SLC44A2: variants seen among roughly 807,000 people sequenced by gnomAD.
SLC44A2 encodes choline transporter-like protein 2.
SLC44A2 carries 57 observed loss-of-function variants against 90.8 expected under a neutral mutation model. That is an observed-to-expected ratio of 0.63 (90% confidence interval 0.51 to 0.78). SLC44A2 has a LOEUF of 0.78. Ranked by LOEUF, SLC44A2 falls within the 30% of genes least tolerant of loss-of-function variation. The probability of loss-of-function intolerance (pLI) is 0.00; values close to 1 mark genes in which losing one functional copy is unlikely to be tolerated. For missense variants in SLC44A2, 794 were observed against 919.7 expected (o/e 0.86, Z 1.77); for synonymous variants, 355 against 360.7 (o/e 0.98, Z 0.18).
intron 1 of SLC44A2, among the ~76,000 whole-genome samples, chr19:10,619,941 C>T (rs1253677903): frequency 1.3e-5 from 2 of 151,690 alleles, no homozygotes; most frequent in East Asian, 1.9e-4. Flanking sequence ...GGTGACAGAG[C>T]GAGACTCCGT....
At chr19:10,631,557 G>A in intron 7 of SLC44A2, 22 bp downstream of exon 7, 5 of 1,614,062 alleles carry the variant, frequency 3.1e-6, no homozygotes, top group Non-Finnish European at 4.2e-6. Context: ...GATCCCAGGA[G>A]GCTCAGGTGG....
intron 4 of SLC44A2, among the ~76,000 whole-genome samples, chr19:10,630,195 G>C (rs4548995): frequency 0.8 from 121,302 of 151,984 alleles, 48,512 homozygotes; most frequent in African/African-American, 0.83. Flanking sequence ...ACCAATAATA[G>C]AAAAAATTAG....
intron 5 of SLC44A2, 57 bp downstream of exon 5, chr19:10,631,198 C>CA: frequency 6.2e-7 from 1 of 1,604,996 alleles, no homozygotes; most frequent in Non-Finnish European, 8.5e-7. Context: ...CCTTTTCCCC[C>CA]TGTGAATGTG....
At chr19:10,610,949 C>G (rs1426324771) in intron 1 of SLC44A2, among the ~76,000 whole-genome samples, 2 of 151,562 alleles carry the variant, frequency 1.3e-5, no homozygotes, top group African/African-American at 4.8e-5. Flanking sequence ...CAAGACTTTT[C>G]TTTTGCCATT....
exon 1 of SLC44A2, chr19:10,602,527 G>T: frequency 7.8e-7 from 1 of 1,276,200 alleles, no homozygotes; most frequent in Admixed American, 4.0e-5. Flanking sequence ...GCCCCGCCGC[G>T]GCCATGGAGG....
chr19:10,622,910 A>G (rs1474895963), upstream of SLC44A2, among the ~76,000 whole-genome samples: 2 of 152,158 alleles, frequency 1.3e-5, no homozygotes, highest in Non-Finnish European at 2.9e-5. Flanking sequence ...TCAAAAACAA[A>G]AAAGCTTAGA....
chr19:10,621,440 T>G (rs1321896759), upstream of SLC44A2, among the ~76,000 whole-genome samples: 2 of 143,980 alleles, frequency 1.4e-5, no homozygotes, highest in East Asian at 2.1e-4. Context: ...TTTTTTTTTT[T>G]TGGTTTTTGT....
At chr19:10,612,333 CT>C (rs1200242600) in intron 1 of SLC44A2, among the ~76,000 whole-genome samples, 1 of 152,002 alleles carries the variant, frequency 6.6e-6, no homozygotes, top group Non-Finnish European at 1.5e-5. Flanking sequence ...GATTGCGCCC[CT>C]GCACTTCATC....
intron 1 of SLC44A2, among the ~76,000 whole-genome samples, chr19:10,610,631 CTTTTTTTTTTTTTTT>C (rs56002726): frequency 2.1e-5 from 1 of 47,998 alleles, no homozygotes; most frequent in Non-Finnish European, 3.7e-5. Context: ...CCGCGCCTGG[CTTTTTTTTTTTTTTT>C]TTTTTTTTTT....
intron 20 of SLC44A2, among the ~76,000 whole-genome samples, chr19:10,639,690 C>G (rs1480284371): frequency 6.6e-6 from 1 of 152,022 alleles, no homozygotes; most frequent in East Asian, 1.9e-4. Flanking sequence ...ACTAGCCTTG[C>G]CAGCATGGCG....
chr19:10,642,465 C>T lies in SLC44A2; in HGVS notation c.2014+14C>T. On this transcript the variant is annotated intron_variant, in intron 21 of 21. Coordinates refer to ENST00000335757, the MANE Select transcript of SLC44A2 (RefSeq NM_020428.4). ...TCCTCTGCTTCTGTGAGTGACCCCTCACCCCAAACCTTGCTGGGCCCCGAA... is the reference window on the plus strand; with the variant it reads ...TCCTCTGCTTCTGTGAGTGACCCCTTACCCCAAACCTTGCTGGGCCCCGAA... 6.2e-7 allele frequency: 1 copy of T among 1,612,542 alleles called. No homozygotes were observed. Among genetic ancestry groups the T allele is most frequent in the East Asian group, 2.2e-5 (1 of 44,864 alleles).
At position 10,634,794 on chromosome 19, in the gene SLC44A2, G is replaced by A; in HGVS notation, c.862G>A (p.Gly288Ser). The change falls in exon 11 of 22, where the codon GGT (glycine) becomes AGT (serine). Residue 288 changes from glycine to serine, a missense_variant. By Grantham distance (56) the Gly-to-Ser change is moderately conservative. Around this residue, in one of 3 missense-constraint regions of SLC44A2, gnomAD observed 738 missense variants for 841.1 expected, o/e 0.88. Transcript: ENST00000335757. The part of the protein sequence containing the change: ...HCYMEYSRLR[G>S]EAGSDVSLVD... ...CTACATGGAGTACTCCCGACTGCGTGGTGAGGCCGGCTCTGATGTCTCTTT... is the reference window on the plus strand; with the variant it reads ...CTACATGGAGTACTCCCGACTGCGTAGTGAGGCCGGCTCTGATGTCTCTTT... The A allele has an allele frequency of 1.2e-6, 2 of 1,614,176 alleles. No individual in the cohort carries two copies. The highest frequency in any genetic ancestry group is 1.7e-6 in the Non-Finnish European group (2 of 1,180,048).
chr19:10,641,231 A>G (rs2067112431), intron 20 of SLC44A2: 1 of 352,480 alleles, frequency 2.8e-6, no homozygotes, highest in Admixed American at 3.8e-5. Context: ...CATCTCCACA[A>G]AAAAATACAA....
At chr19:10,632,294 T>TG in intron 10 of SLC44A2, 138 bp downstream of exon 10, 1 of 681,890 alleles carries the variant, frequency 1.5e-6, no homozygotes, top group Non-Finnish European at 2.5e-6. Flanking sequence ...CCCAGCACTT[T>TG]GGGAGGCCGA....
intron 1 of SLC44A2, among the ~76,000 whole-genome samples, chr19:10,619,761 C>T (rs1401924218): frequency 1.3e-5 from 2 of 152,122 alleles, no homozygotes; most frequent in Non-Finnish European, 2.9e-5. Context: ...CGCGACTAGC[C>T]TGGGCAACAC....
intron 14 of SLC44A2, 195 bp downstream of exon 14, chr19:10,635,710 T>C: frequency 1.8e-6 from 1 of 546,310 alleles, no homozygotes; most frequent in Non-Finnish European, 3.2e-6. Context: ...CAAGCTGGCT[T>C]CCTCTCTTCA....
intron 1 of SLC44A2, among the ~76,000 whole-genome samples, chr19:10,619,355 G>C (rs767458684): frequency 8.0e-5 from 12 of 150,548 alleles, no homozygotes; most frequent in Non-Finnish European, 1.8e-4. Flanking sequence ...TTGAGCTCAG[G>C]GGGTAGAGGT....
chr19:10,626,694 T>TTACAGG (rs1393997188), intron 2 of SLC44A2, among the ~76,000 whole-genome samples: 25 of 151,918 alleles, frequency 1.6e-4, no homozygotes, highest in Non-Finnish European at 8.8e-5. Flanking sequence ...AGTGCTGGGA[T>TTACAGG]TACAGGTGTG....
exon 1 of SLC44A2, chr19:10,602,559 A>G: frequency 9.4e-6 from 12 of 1,275,396 alleles, no homozygotes; most frequent in Non-Finnish European, 1.2e-5. Context: ...AACGGAGCCT[A>G]CGGTAGGAGC....
Sources: gnomAD v4.1 joint callset for allele counts (sites outside exome capture counted in the v4.1 genomes callset) on GRCh38, gnomAD v4.1.1 for gene constraint, gnomAD v4.1.1 regional missense constraint, MANE v1.5 for transcripts, NCBI Gene and HGNC (gene_info 2026-07-23, HGNC 2026-07-21) for gene names.